Variants in ENOX1 observed in about 807,000 individuals in gnomAD.
ENOX1 encodes candidate growth-related and time keeping constitutive hydroquinone (NADH) oxidase.
A neutral mutation model predicts 82.5 loss-of-function variants in ENOX1; 42 were observed. That is an observed-to-expected ratio of 0.51 (90% CI 0.40 to 0.66). The LOEUF (loss-of-function observed/expected upper bound fraction) is 0.66, where lower values mean the gene tolerates loss of function less well. Ranked by LOEUF, ENOX1 falls within the 30% of genes least tolerant of loss-of-function variation. ENOX1 has a pLI of 0.00. For missense variants in ENOX1, 608 were observed against 811.6 expected, an observed-to-expected ratio of 0.75 and a Z score of 3.05; for synonymous variants, 271 against 282.2, an observed-to-expected ratio of 0.96 and a Z score of 0.40.
intron 5 of ENOX1, among the ~76,000 whole-genome samples, chr13:43,408,594 G>A (rs190510113): frequency 6.6e-6 from 1 of 152,314 alleles, no homozygotes; most frequent in Non-Finnish European, 1.5e-5. Context: ...ACCTGAGCAA[G>A]CAGTGGCATC....
Position 43,412,966 on chromosome 13 carries a change from G to A in ENOX1, c.-52C>T, listed in dbSNP as rs1446510001. The A allele has an allele frequency of 5.0e-6, 8 of 1,609,266 alleles. No individual in the cohort carries two copies. Among genetic ancestry groups the A allele is most frequent in the Non-Finnish European group, 6.8e-6 (8 of 1,178,276 alleles). The stretch of plus-strand genomic sequence containing the variant: ...GAACACTTTGATGGCTGAGTGCAGG[G>A]TCCCCTCGGAGGTCATCAGATTCTG... On this transcript the variant is annotated 5_prime_UTR_variant, in exon 4 of 17. Transcript: ENST00000690772.
chr13:43,305,758 A>C (rs1171188517), intron 11 of ENOX1, among the ~76,000 whole-genome samples: 2 of 152,212 alleles, frequency 1.3e-5, no homozygotes, highest in Non-Finnish European at 2.9e-5. Flanking sequence ...GAAAATAAGC[A>C]AAGGAAAGAG....
Position 43,287,565 on chromosome 13 carries a change from C to T in ENOX1, c.1446+10781G>A, listed in dbSNP as rs193043569. 4.0e-3 allele frequency among the ~76,000 whole-genome samples: 615 copies of T among 152,264 alleles called. 9 individuals are homozygous for T. The highest frequency in any genetic ancestry group is 0.014 in the African/African-American group (587 of 41,548). On this transcript the variant is annotated intron_variant, in intron 12 of 16. Transcript: ENST00000690772. Reference sequence around the variant, plus strand: ...ACAGTGAAGCTGAAGTCACATTTTCCTTCTACTAGTTCAGTGTTTTCATTT... The same window carrying T: ...ACAGTGAAGCTGAAGTCACATTTTCTTTCTACTAGTTCAGTGTTTTCATTT...
In ENOX1 at chr13:43,324,314, G is replaced by A. The variant is rs79893346; in HGVS notation, c.1144-1813C>T. ...GCGATTAATGACAAACTGTCATATG[G>A]TAGTTGTTCTTGTGGGAAAGGGTGG... On this transcript the variant is annotated intron_variant, in intron 10 of 16. Transcript: ENST00000690772. Among the ~76,000 whole-genome samples the A allele has an allele frequency of 7.5e-3, 1,148 of 152,270 alleles. 12 individuals are homozygous for A. Among genetic ancestry groups the A allele is most frequent in the African/African-American group, 0.026 (1,088 of 41,546 alleles).
At chr13:43,657,641 A>G (rs1206871668) in intron 2 of ENOX1, among the ~76,000 whole-genome samples, 2 of 152,236 alleles carry the variant, frequency 1.3e-5, no homozygotes, top group Non-Finnish European at 2.9e-5. Flanking sequence ...TAGAAGGCAC[A>G]GCTGGTTGAA....
intron 2 of ENOX1, among the ~76,000 whole-genome samples, chr13:43,595,040 A>G (rs2081401716): frequency 6.7e-6 from 1 of 150,188 alleles, no homozygotes; most frequent in Non-Finnish European, 1.5e-5. Flanking sequence ...ATCTGGAAGG[A>G]CAGTGCTGTG....
At chr13:43,701,185 A>G (rs430838) in intron 1 of ENOX1, among the ~76,000 whole-genome samples, 139,638 of 152,234 alleles carry the variant, frequency 0.92, 64,330 homozygotes, top group East Asian at 1. Context: ...GTGCATGTAC[A>G]TAAAAACACT....
chr13:43,587,032 C>T (rs2081027336), intron 2 of ENOX1, among the ~76,000 whole-genome samples: 1 of 150,864 alleles, frequency 6.6e-6, no homozygotes, highest in African/African-American at 2.4e-5. Flanking sequence ...CAAGATTGTG[C>T]CACTGCACTC....
intron 5 of ENOX1, among the ~76,000 whole-genome samples, chr13:43,402,146 C>A (rs2053534006): frequency 6.6e-6 from 1 of 152,046 alleles, no homozygotes; most frequent in Non-Finnish European, 1.5e-5. Context: ...TAAATATACT[C>A]CATCTGTGCA....
intron 2 of ENOX1, among the ~76,000 whole-genome samples, chr13:43,596,146 G>T (rs1338728955): frequency 6.6e-6 from 1 of 152,164 alleles, no homozygotes; most frequent in Non-Finnish European, 1.5e-5. Flanking sequence ...TTAAAAAAAT[G>T]ACATTATACA....
chr13:43,767,008 C>T (rs1214248417), intron 1 of ENOX1, among the ~76,000 whole-genome samples: 1 of 152,082 alleles, frequency 6.6e-6, no homozygotes, highest in African/African-American at 2.4e-5. Flanking sequence ...TAATCTGCAT[C>T]CTTTCAATAG....
chr13:43,404,928 C>T (rs920996381), intron 5 of ENOX1, among the ~76,000 whole-genome samples: 1 of 152,136 alleles, frequency 6.6e-6, no homozygotes, highest in Non-Finnish European at 1.5e-5. Context: ...AAAATAAAAA[C>T]AAAAGAGAAC....
chr13:43,504,516 C>A (rs773043132), intron 2 of ENOX1, among the ~76,000 whole-genome samples: 42 of 151,800 alleles, frequency 2.8e-4, no homozygotes, highest in Non-Finnish European at 4.9e-4. Flanking sequence ...TCATTTGCAA[C>A]AACATGGATG....
intron 14 of ENOX1, among the ~76,000 whole-genome samples, chr13:43,256,870 C>G (rs911083063): frequency 1.2e-4 from 18 of 152,106 alleles, no homozygotes; most frequent in African/African-American, 4.3e-4. Context: ...TATTGCAGTA[C>G]TATTCACAAT....
intron 3 of ENOX1, among the ~76,000 whole-genome samples, chr13:43,455,027 C>T (rs2057160682): frequency 6.6e-6 from 1 of 151,988 alleles, no homozygotes; most frequent in South Asian, 2.1e-4. Flanking sequence ...TGTGTTGGAG[C>T]CCCCATTTCC....
intron 12 of ENOX1, among the ~76,000 whole-genome samples, chr13:43,278,804 ATAGT>A (rs1336105857): frequency 1.5e-4 from 23 of 152,202 alleles, no homozygotes; most frequent in African/African-American, 5.5e-4. Context: ...TATTGAATAG[ATAGT>A]TGCAATTTTT....
chr13:43,370,299 G>A (rs1024323998), intron 5 of ENOX1, among the ~76,000 whole-genome samples: 55 of 152,138 alleles, frequency 3.6e-4, no homozygotes, highest in African/African-American at 1.1e-3. Context: ...CCTGGGAGGC[G>A]GAGCTTGTAG....
intron 2 of ENOX1, among the ~76,000 whole-genome samples, chr13:43,660,798 T>A (rs79075026): frequency 0.064 from 9,696 of 152,258 alleles, 349 homozygotes; most frequent in Admixed American, 0.094. Flanking sequence ...TTACAGACAT[T>A]TCTTCTGCAG....
intron 3 of ENOX1, among the ~76,000 whole-genome samples, chr13:43,415,298 G>C (rs928827223): frequency 6.7e-6 from 1 of 148,452 alleles, no homozygotes; most frequent in South Asian, 2.2e-4. Flanking sequence ...CTCGGAGAGG[G>C]GGATGTGGCA....
Sources: gnomAD v4.1 joint callset for allele counts (sites outside exome capture counted in the v4.1 genomes callset) on GRCh38, gnomAD v4.1.1 for gene constraint, MANE v1.5 for transcripts, NCBI Gene and HGNC (gene_info 2026-07-23, HGNC 2026-07-21) for gene names.